Variants in CMSS1 observed in about 807,000 individuals in gnomAD.
CMSS1 encodes the protein cms1 ribosomal small subunit homolog, also known as protein CMSS1.
In CMSS1, 33 loss-of-function variants were observed where a neutral mutation model predicts 43.5. The observed-to-expected ratio is 0.76, with a 90% CI of 0.57 to 1.01. The LOEUF (loss-of-function observed/expected upper bound fraction) is 1.01, where lower values mean the gene tolerates loss of function less well. Among genes scored for constraint, CMSS1 ranks in the 50% least tolerant of loss-of-function variants. The pLI, the probability that CMSS1 is intolerant of heterozygous loss-of-function variation, is 0.00. For synonymous variants in CMSS1, 115 were observed against 117.2 expected, an observed-to-expected ratio of 0.98 and a Z score of 0.12; for missense variants, 313 against 326.4, an observed-to-expected ratio of 0.96 and a Z score of 0.32.
At chr3:99,922,627 G>A (rs925840025) in intron 1 of CMSS1, among the ~76,000 whole-genome samples, 1 of 152,218 alleles carries the variant, frequency 6.6e-6, no homozygotes, top group Non-Finnish European at 1.5e-5. Flanking sequence ...ATTGGAAGTA[G>A]TTGAATAAGC....
chr3:100,103,695 C>T (rs1048394868), intron 1 of CMSS1, among the ~76,000 whole-genome samples: 1 of 152,180 alleles, frequency 6.6e-6, no homozygotes, highest in African/African-American at 2.4e-5. Flanking sequence ...TCTCTTCCAG[C>T]AGCTATTACA....
chr3:100,048,091 A>C (rs1243940843), intron 1 of CMSS1, among the ~76,000 whole-genome samples: 1 of 152,184 alleles, frequency 6.6e-6, no homozygotes, highest in Admixed American at 6.5e-5. Flanking sequence ...AAACAGCCAC[A>C]ATCCAAGTCC....
chr3:100,056,654 C>G (rs1242866914), intron 1 of CMSS1, among the ~76,000 whole-genome samples: 1 of 151,644 alleles, frequency 6.6e-6, no homozygotes, highest in Admixed American at 6.6e-5. Context: ...CAATAAATGT[C>G]TTATTGCTTT....
chr3:99,881,767 A>G (rs1406704839), intron 1 of CMSS1, among the ~76,000 whole-genome samples: 5 of 152,118 alleles, frequency 3.3e-5, no homozygotes, highest in Non-Finnish European at 4.4e-5. Context: ...TCCTGACTTC[A>G]GGTGATCTGC....
At chr3:100,047,537 A>G (rs1453431141) in intron 1 of CMSS1, among the ~76,000 whole-genome samples, 1 of 152,232 alleles carries the variant, frequency 6.6e-6, no homozygotes, top group Non-Finnish European at 1.5e-5. Context: ...CTGACTGCGA[A>G]TGATTAAGTG....
At chr3:99,848,440 C>G in intron 1 of CMSS1, 1 of 1,614,160 alleles carries the variant, frequency 6.2e-7, no homozygotes, top group Non-Finnish European at 8.5e-7. Context: ...GCTGGCAGGT[C>G]TCACAGGGCT....
chr3:100,053,053 C>A (rs1265120031), intron 1 of CMSS1, among the ~76,000 whole-genome samples: 2 of 152,190 alleles, frequency 1.3e-5, no homozygotes, highest in Non-Finnish European at 2.9e-5. Flanking sequence ...TTTCTATTCT[C>A]TCCTGAAACA....
At chr3:99,994,354 T>C (rs151111951) in intron 1 of CMSS1, among the ~76,000 whole-genome samples, 1 of 152,298 alleles carries the variant, frequency 6.6e-6, no homozygotes, top group East Asian at 1.9e-4. Flanking sequence ...CAAAGAAATA[T>C]TGGACTTAAA....
chr3:100,176,179 G>A, intron 8 of CMSS1, 148 bp from the exon 9 acceptor site: 1 of 562,262 alleles, frequency 1.8e-6, no homozygotes, highest in Non-Finnish European at 3.2e-6. Flanking sequence ...TTTCCATCAG[G>A]GAAGGGCAGC....
intron 1 of CMSS1, among the ~76,000 whole-genome samples, chr3:99,884,537 ACT>A (rs1576546836): frequency 1.3e-5 from 2 of 152,096 alleles, no homozygotes; most frequent in South Asian, 2.1e-4. Context: ...TCTGTCAGTC[ACT>A]CTGCCTACCT....
intron 1 of CMSS1, among the ~76,000 whole-genome samples, chr3:99,835,327 C>T (rs1036950722): frequency 5.9e-5 from 9 of 152,212 alleles, no homozygotes; most frequent in African/African-American, 1.7e-4. Context: ...GAGACATTAT[C>T]TGTTCTTTCC....
At chr3:100,008,621 A>AT (rs1222748717) in intron 1 of CMSS1, among the ~76,000 whole-genome samples, 1 of 152,236 alleles carries the variant, frequency 6.6e-6, no homozygotes, top group African/African-American at 2.4e-5. Flanking sequence ...GGTTAATACT[A>AT]TGATCTTTCC....
rs138473410 is a variant in CMSS1, at chr3:100,057,301, C to T, written c.65-89672C>T. 2.4e-3 allele frequency among the ~76,000 whole-genome samples: 368 copies of T among 152,302 alleles called. 1 individual carries two copies. Among genetic ancestry groups the T allele is most frequent in the African/African-American group, 8.3e-3 (346 of 41,554 alleles). On this transcript the variant is annotated intron_variant, in intron 1 of 9. Transcript: ENST00000421999. ...AAACCAGGAAAGCAGTGAGATGTTA[C>T]TTTAAGGAAAGATGACATGATCTCT...
intron 1 of CMSS1, among the ~76,000 whole-genome samples, chr3:100,083,660 T>C (rs1576035876): frequency 6.6e-6 from 1 of 152,358 alleles, no homozygotes; most frequent in African/African-American, 2.4e-5. Flanking sequence ...TGTCATATTT[T>C]TTAAAGTGTT....
intron 1 of CMSS1, among the ~76,000 whole-genome samples, chr3:100,053,973 C>A (rs1033978085): frequency 1.3e-5 from 2 of 152,226 alleles, no homozygotes; most frequent in Non-Finnish European, 2.9e-5. Flanking sequence ...AAATTCTATA[C>A]TTTGTTCTTT....
intron 2 of CMSS1, among the ~76,000 whole-genome samples, chr3:100,156,942 G>C (rs2066981008): frequency 6.6e-6 from 1 of 152,090 alleles, no homozygotes; most frequent in African/African-American, 2.4e-5. Flanking sequence ...TTGTTGTTGA[G>C]ACAGGGTCTC....
chr3:99,873,555 T>C (rs1343421611), intron 1 of CMSS1, among the ~76,000 whole-genome samples: 2 of 152,234 alleles, frequency 1.3e-5, no homozygotes, highest in Non-Finnish European at 2.9e-5. Flanking sequence ...CCTGAAGCAC[T>C]AGACATGGAC....
chr3:100,056,013 T>C (rs1296589869), intron 1 of CMSS1, among the ~76,000 whole-genome samples: 3 of 152,162 alleles, frequency 2.0e-5, no homozygotes, highest in Non-Finnish European at 4.4e-5. Context: ...GCCTAGTTGA[T>C]CTGGTTGGGG....
Position 99,965,075 on chromosome 3 carries a change from G to T in CMSS1, c.64+147032G>T, listed in dbSNP as rs1435981489. ...ATAAAGTTTTAAAGGAAATTTACAA[G>T]TGTTATTTTCTAGTAATTACCTTGA... On this transcript the variant is annotated intron_variant, in intron 1 of 9. Coordinates refer to ENST00000421999, the MANE Select transcript of CMSS1 (RefSeq NM_032359.4). Among the ~76,000 whole-genome samples, 3 of 152,134 alleles carry T rather than the reference G, an allele frequency of 2.0e-5. No homozygotes were observed. In the East Asian group the frequency reaches 5.8e-4, roughly 29 times the overall value.
Sources: gnomAD v4.1 joint callset for allele counts (sites outside exome capture counted in the v4.1 genomes callset) on GRCh38, gnomAD v4.1.1 for gene constraint, MANE v1.5 for transcripts, NCBI Gene and HGNC (gene_info 2026-07-23, HGNC 2026-07-21) for gene names.